The following PPFIBP2 variants were observed in gnomAD, a reference collection of about 807,000 sequenced individuals.
The protein encoded by PPFIBP2 is PPFIB scaffold protein 2.
In PPFIBP2, 118 loss-of-function variants were observed where a neutral mutation model predicts 118.3. The observed-to-expected ratio is 1.00, with a 90% CI of 0.86 to 1.16. The LOEUF is 1.16. Among genes scored for constraint, PPFIBP2 ranks in the 50% most tolerant of loss-of-function variants. The probability of loss-of-function intolerance (pLI) is 0.00; values close to 1 mark genes in which losing one functional copy is unlikely to be tolerated. For synonymous variants in PPFIBP2, 414 were observed against 397.4 expected (o/e 1.04, Z -0.50); for missense variants, 1,195 against 1,073.1 (o/e 1.11, Z -1.59).
At chr11:7,563,978 A>C (rs186084990) in intron 2 of PPFIBP2, among the ~76,000 whole-genome samples, 170 of 152,252 alleles carry the variant, frequency 1.1e-3, no homozygotes, top group Non-Finnish European at 2.0e-3. Context: ...ATCCTGGCTA[A>C]CACAGTGAAA....
chr11:7,578,036 G>A (rs868595742), intron 3 of PPFIBP2, among the ~76,000 whole-genome samples: 13 of 152,314 alleles, frequency 8.5e-5, no homozygotes, highest in Non-Finnish European at 1.5e-4. Context: ...TGTTTAACTC[G>A]TTCTCACTCT....
intron 1 of PPFIBP2, among the ~76,000 whole-genome samples, chr11:7,519,734 T>C (rs1849567970): frequency 6.6e-6 from 1 of 152,100 alleles, no homozygotes; most frequent in Admixed American, 6.5e-5. Context: ...CACCACTGCC[T>C]TTTTCATTCC....
intron 1 of PPFIBP2, among the ~76,000 whole-genome samples, chr11:7,541,338 G>A (rs902899734): frequency 6.6e-6 from 1 of 152,212 alleles, no homozygotes; most frequent in African/African-American, 2.4e-5. Flanking sequence ...CGGTTAGGAG[G>A]CTATTGTAGT....
Position 7,650,644 on chromosome 11 carries a change from A to G in PPFIBP2, c.2122-196A>G, listed in dbSNP as rs1188390700. The G allele has an allele frequency of 9.3e-6, 4 of 429,488 alleles. No individual in the cohort carries two copies. In the East Asian group the frequency reaches 1.0e-4, roughly 11 times the overall value. 26.6% of individuals were successfully genotyped at this position (429,488 alleles called of 1,614,324 possible). A position where few individuals can be genotyped will look rare whatever the true frequency, so the allele number is the denominator to read the frequency against. ...GATATCTCAGTGTGGAAGATCTTCA[A>G]AGATTCAGTGGGAGCTCTATTTCCT... On this transcript the variant is annotated intron_variant, in intron 21 of 23. Coordinates refer to ENST00000299492, the MANE Select transcript of PPFIBP2 (RefSeq NM_003621.5).
At chr11:7,526,128 G>C (rs896474832) in intron 1 of PPFIBP2, among the ~76,000 whole-genome samples, 1 of 152,202 alleles carries the variant, frequency 6.6e-6, no homozygotes, top group East Asian at 1.9e-4. Context: ...AAAGGGTATT[G>C]TTCAAGCAGT....
At chr11:7,532,591 A>C (rs544133178) in intron 1 of PPFIBP2, among the ~76,000 whole-genome samples, 74 of 152,358 alleles carry the variant, frequency 4.9e-4, no homozygotes, top group Middle Eastern at 3.4e-3. Context: ...CTCTGGCAGC[A>C]GTAGTTTCTG....
intron 12 of PPFIBP2, 42 bp from the exon 13 acceptor site, chr11:7,634,453 C>G: frequency 3.1e-5 from 45 of 1,437,522 alleles, no homozygotes; most frequent in Non-Finnish European, 4.3e-5. Context: ...ATAACATGTA[C>G]CTCCTTCTCA....
At chr11:7,664,880 T>G in the PPFIBP2 span, among the ~76,000 whole-genome samples, 1 of 149,276 alleles carries the variant, frequency 6.7e-6, no homozygotes, top group Non-Finnish European at 1.5e-5. Context: ...GAACCTGACT[T>G]TGAAAGTTGA....
chr11:7,561,903 G>A (rs1329846815), intron 2 of PPFIBP2, among the ~76,000 whole-genome samples: 2 of 152,222 alleles, frequency 1.3e-5, no homozygotes, highest in Non-Finnish European at 2.9e-5. Context: ...TGGGGCTGGA[G>A]CAGCAGTCCC....
At chr11:7,590,591 A>G (rs12223163) in intron 3 of PPFIBP2, among the ~76,000 whole-genome samples, 49,438 of 152,162 alleles carry the variant, frequency 0.32, 8,398 homozygotes, top group East Asian at 0.4. Flanking sequence ...AGATTTTCAA[A>G]TATATTTTAA....
chr11:7,651,406 C>T (rs1853984268), intron 22 of PPFIBP2: 1 of 443,006 alleles, frequency 2.3e-6, no homozygotes, highest in Admixed American at 3.7e-5. Context: ...TGAGAGACAG[C>T]CTCACCAAAG....
intron 8 of PPFIBP2, among the ~76,000 whole-genome samples, chr11:7,626,384 A>T (rs1850011922): frequency 6.6e-6 from 1 of 152,174 alleles, no homozygotes; most frequent in Admixed American, 6.5e-5. Flanking sequence ...TCTCAGAAAG[A>T]CCTTTCTTGG....
intron 1 of PPFIBP2, among the ~76,000 whole-genome samples, chr11:7,535,441 C>T (rs925714125): frequency 6.6e-6 from 1 of 152,196 alleles, no homozygotes; most frequent in East Asian, 1.9e-4. Flanking sequence ...TGGTTAGGAA[C>T]ATAACCTTGG....
intron 16 of PPFIBP2, 93 bp downstream of exon 16, chr11:7,641,713 C>A: frequency 2.4e-6 from 3 of 1,242,044 alleles, no homozygotes; most frequent in East Asian, 2.3e-5. Flanking sequence ...CCAATAGACA[C>A]TGAAACAGCA....
At chr11:7,552,847 C>T (rs1350557521) in intron 2 of PPFIBP2, among the ~76,000 whole-genome samples, 1 of 152,110 alleles carries the variant, frequency 6.6e-6, no homozygotes, top group African/African-American at 2.4e-5. Flanking sequence ...GTCTATCATG[C>T]ATTCCCACAT....
At position 7,628,014 on chromosome 11, in the gene PPFIBP2, C is replaced by T. The variant is rs1014646739; in HGVS notation, c.827-271C>T. ...GATGTTGGTTTTGAAAGATTTTTGG[C>T]TTCCTCTGTCCTCTCGAGTACATGG... On this transcript the variant is annotated intron_variant, in intron 8 of 23. Transcript: ENST00000299492. 2.6e-5 allele frequency among the ~76,000 whole-genome samples: 4 copies of T among 152,284 alleles called. No homozygotes were observed. In the South Asian group the frequency reaches 6.2e-4, roughly 24 times the overall value.
downstream of PPFIBP2, among the ~76,000 whole-genome samples, chr11:7,657,518 C>T (rs1008557804): frequency 1.3e-5 from 2 of 152,152 alleles, no homozygotes; most frequent in Non-Finnish European, 2.9e-5. Context: ...GCAGCTCAGG[C>T]GTAATGTCTG....
chr11:7,639,621 A>G (rs981605379), intron 14 of PPFIBP2, 111 bp from the exon 15 acceptor site: 3 of 1,365,892 alleles, frequency 2.2e-6, no homozygotes, highest in East Asian at 4.6e-5. Context: ...TCAAGTCACC[A>G]TATGTGAAAA....
intron 2 of PPFIBP2, among the ~76,000 whole-genome samples, chr11:7,563,948 G>C (rs1854634317): frequency 6.6e-6 from 1 of 152,116 alleles, no homozygotes; most frequent in African/African-American, 2.4e-5. Context: ...GGTGGATCAT[G>C]AGGTCAGGAG....
Sources: gnomAD v4.1 joint callset for allele counts (sites outside exome capture counted in the v4.1 genomes callset) on GRCh38, gnomAD v4.1.1 for gene constraint, MANE v1.5 for transcripts, NCBI Gene and HGNC (gene_info 2026-07-23, HGNC 2026-07-21) for gene names.